Variants in DMXL1 observed in about 807,000 individuals in gnomAD.
DMXL1 encodes the protein dmX-like protein 1.
In DMXL1, 99 loss-of-function variants were observed where a neutral mutation model predicts 319.2. The observed-to-expected ratio is 0.31, with a 90% confidence interval of 0.26 to 0.37. The LOEUF is 0.37. DMXL1 is among the 10% of genes least tolerant of loss of function. The pLI is 1.00. For synonymous variants in DMXL1, 1,385 were observed against 1,235.2 expected (o/e 1.12, Z -2.54); for missense variants, 3,745 against 3,595.6 (o/e 1.04, Z -1.06).
At chr5:119,172,641 C>T (rs1186801565) in intron 25 of DMXL1, among the ~76,000 whole-genome samples, 1 of 152,178 alleles carries the variant, frequency 6.6e-6, no homozygotes, top group Non-Finnish European at 1.5e-5. Context: ...ACTTTATCTG[C>T]TGTTAATGTC....
chr5:119,223,423 C>T (rs1191269365), intron 37 of DMXL1, among the ~76,000 whole-genome samples: 1 of 152,106 alleles, frequency 6.6e-6, no homozygotes, highest in African/African-American at 2.4e-5. Context: ...GCCTGCCTTG[C>T]AGATTGATGA....
intron 34 of DMXL1, among the ~76,000 whole-genome samples, chr5:119,215,953 C>T (rs866840619): frequency 6.6e-6 from 1 of 151,474 alleles, no homozygotes; most frequent in Non-Finnish European, 1.5e-5. Flanking sequence ...AAACTTAGCC[C>T]GGTGTGGTGG....
chr5:119,210,920 C>T (rs886843240), intron 34 of DMXL1, among the ~76,000 whole-genome samples: 6 of 150,684 alleles, frequency 4.0e-5, no homozygotes, highest in African/African-American at 1.5e-4. Flanking sequence ...TTGTAGATGC[C>T]CTTTATAAGT....
chr5:119,192,154 G>T (rs552427732), intron 29 of DMXL1, among the ~76,000 whole-genome samples: 86 of 152,120 alleles, frequency 5.7e-4, no homozygotes, highest in African/African-American at 2.0e-3. Flanking sequence ...GTAAGTCACT[G>T]AGAAAAATAA....
At chr5:119,204,878 A>G (rs925108193) in intron 33 of DMXL1, among the ~76,000 whole-genome samples, 1 of 152,234 alleles carries the variant, frequency 6.6e-6, no homozygotes, top group Non-Finnish European at 1.5e-5. Context: ...ACAATAGACA[A>G]GTAAGCAAAA....
chr5:119,160,550 C>T (rs556674358), intron 19 of DMXL1, among the ~76,000 whole-genome samples: 42 of 152,244 alleles, frequency 2.8e-4, no homozygotes, highest in African/African-American at 9.9e-4. Flanking sequence ...CTTTTAGGTA[C>T]ATTTGGTCTA....
intron 1 of DMXL1, among the ~76,000 whole-genome samples, chr5:119,079,009 T>G (rs537929673): frequency 1.6e-4 from 24 of 152,158 alleles, no homozygotes; most frequent in Non-Finnish European, 2.9e-4. Flanking sequence ...CAGTCTCATG[T>G]TCTTTCTTGT....
At chr5:119,142,293 T>C (rs1767560139) in intron 13 of DMXL1, among the ~76,000 whole-genome samples, 1 of 151,850 alleles carries the variant, frequency 6.6e-6, no homozygotes. Flanking sequence ...AAACTATGCA[T>C]CTGAGAAAGG....
chr5:119,200,487 T>C (rs982156333), intron 32 of DMXL1, among the ~76,000 whole-genome samples: 4 of 152,204 alleles, frequency 2.6e-5, no homozygotes, highest in Non-Finnish European at 5.9e-5. Context: ...TTTTGTAGCA[T>C]ACATCGAAAT....
At chr5:119,118,321 C>G (rs185782419) in intron 7 of DMXL1, among the ~76,000 whole-genome samples, 85 of 152,288 alleles carry the variant, frequency 5.6e-4, no homozygotes, top group Admixed American at 2.2e-3. Flanking sequence ...AGAAATGAAG[C>G]ATATGATATA....
chr5:119,106,737 T>G (rs908120998), intron 4 of DMXL1, among the ~76,000 whole-genome samples: 2 of 152,188 alleles, frequency 1.3e-5, no homozygotes, highest in Admixed American at 1.3e-4. Flanking sequence ...GAGGTTGTAT[T>G]CTCATTAGTC....
intron 1 of DMXL1, among the ~76,000 whole-genome samples, chr5:119,095,702 A>G (rs1319356634): frequency 1.3e-5 from 2 of 152,224 alleles, no homozygotes; most frequent in East Asian, 3.8e-4. Flanking sequence ...TATCAAGGAG[A>G]AAAATTAGTT....
At chr5:119,079,393 G>T (rs189899456) in intron 1 of DMXL1, among the ~76,000 whole-genome samples, 1 of 152,294 alleles carries the variant, frequency 6.6e-6, no homozygotes, top group African/African-American at 2.4e-5. Context: ...GTCTCTGGGA[G>T]CTCAGCCCTA....
chr5:119,169,926 CG>C (rs1004983062), intron 23 of DMXL1, among the ~76,000 whole-genome samples: 2 of 152,110 alleles, frequency 1.3e-5, no homozygotes, highest in Non-Finnish European at 2.9e-5. Flanking sequence ...TATAACTGGA[CG>C]TTTTAAATTA....
Position 119,196,400 on chromosome 5 carries a change from A to G in DMXL1, c.7487A>G (p.Gln2496Arg). 6.2e-7 allele frequency: 1 copy of G among 1,613,860 alleles called. No individual in the cohort carries two copies. Among genetic ancestry groups the G allele is most frequent in the Non-Finnish European group, 8.5e-7 (1 of 1,179,888 alleles). ...SWSLMRLAMV[Q>R]LVLNNLKTFY... ...TCCTTGATGCGGTTGGCGATGGTGCAATTGGTGCTCAACAATTTGAAGACT... is the reference window on the plus strand; with the variant it reads ...TCCTTGATGCGGTTGGCGATGGTGCGATTGGTGCTCAACAATTTGAAGACT... The change falls in exon 31 of 44, where the codon CAA (glutamine) becomes CGA (arginine). Residue 2496 changes from glutamine (Q) to arginine (R), a missense_variant. This residue lies in a region of DMXL1 where 1,382 missense variants were observed against 1,269.5 expected (regional missense o/e 1.09). Transcript: ENST00000539542.
intron 6 of DMXL1, among the ~76,000 whole-genome samples, chr5:119,115,860 G>A (rs538654256): frequency 9.9e-5 from 15 of 152,144 alleles, no homozygotes; most frequent in Admixed American, 2.6e-4. Flanking sequence ...TGGAAAAGAC[G>A]TCCTTAATTT....
At chr5:119,239,118 A>G (rs1788286624) in intron 41 of DMXL1, 38 bp downstream of exon 41, 4 of 1,602,596 alleles carry the variant, frequency 2.5e-6, no homozygotes, top group South Asian at 2.2e-5. Context: ...ATGAGAAAGT[A>G]TAGCTGAACT....
chr5:119,119,913 G>A (rs1761673438), intron 8 of DMXL1, among the ~76,000 whole-genome samples: 1 of 151,756 alleles, frequency 6.6e-6, no homozygotes, highest in African/African-American at 2.4e-5. Flanking sequence ...CAGAGTCTCT[G>A]TCTGTCACCC....
intron 29 of DMXL1, among the ~76,000 whole-genome samples, chr5:119,192,078 T>G (rs1778791669): frequency 6.6e-6 from 1 of 152,164 alleles, no homozygotes; most frequent in African/African-American, 2.4e-5. Flanking sequence ...TTTTCCAACC[T>G]TTTTTTCAAA....
Sources: allele counts gnomAD v4.1 joint callset (sites outside exome capture counted in the v4.1 genomes callset), GRCh38; gene constraint gnomAD v4.1.1; regional missense constraint gnomAD v4.1.1; transcripts MANE v1.5; gene names NCBI Gene and HGNC (gene_info 2026-07-23, HGNC 2026-07-21).